Variants in BZW2 observed in about 807,000 individuals in gnomAD.
The protein encoded by BZW2 is eIF5-mimic protein 1.
A neutral mutation model predicts 53.2 loss-of-function variants in BZW2; 23 were observed. The ratio of observed to expected loss-of-function variants is 0.43; its 90% CI spans 0.31 to 0.61. The LOEUF is 0.61. BZW2 is among the 20% of genes least tolerant of loss of function. The probability of loss-of-function intolerance (pLI) is 0.09; values close to 1 mark genes in which losing one functional copy is unlikely to be tolerated. For missense variants in BZW2, 409 were observed against 503.1 expected, an observed-to-expected ratio of 0.81 and a Z score of 1.79; for synonymous variants, 227 against 186.4, an observed-to-expected ratio of 1.22 and a Z score of -1.77.
intron 3 of BZW2, among the ~76,000 whole-genome samples, chr7:16,674,817 C>G (rs555944607): frequency 2.0e-5 from 3 of 152,240 alleles, no homozygotes; most frequent in South Asian, 2.1e-4. Flanking sequence ...GTTGACGTTA[C>G]AACAAAGTTG....
intron 1 of BZW2, among the ~76,000 whole-genome samples, chr7:16,661,662 CCTT>C (rs1325135302): frequency 3.9e-5 from 6 of 152,060 alleles, no homozygotes; most frequent in Non-Finnish European, 8.8e-5. Flanking sequence ...ATTCTTATCG[CCTT>C]CTTTTACCTT....
chr7:16,697,213 C>A, intron 9 of BZW2, 152 bp downstream of exon 9: 1 of 884,948 alleles, frequency 1.1e-6, no homozygotes, highest in Non-Finnish European at 1.7e-6. Flanking sequence ...CCTCAGCCTC[C>A]CAGGTAGCTA....
At chr7:16,675,579 G>T (rs73065805) in intron 3 of BZW2, among the ~76,000 whole-genome samples, 4,607 of 152,192 alleles carry the variant, frequency 0.03, 240 homozygotes, top group African/African-American at 0.1. Context: ...TTGGTACATG[G>T]CCCCATTGAC....
intron 2 of BZW2, among the ~76,000 whole-genome samples, chr7:16,671,186 TC>T (rs1358291654): frequency 3.3e-5 from 5 of 152,152 alleles, no homozygotes; most frequent in African/African-American, 1.2e-4. Context: ...ATTGCTTGCT[TC>T]CCCCCATCCC....
intron 3 of BZW2, among the ~76,000 whole-genome samples, chr7:16,678,449 G>C (rs1782836088): frequency 6.6e-6 from 1 of 152,074 alleles, no homozygotes; most frequent in Non-Finnish European, 1.5e-5. Context: ...AAAAACAGCA[G>C]TCACTCCAAA....
At chr7:16,685,799 T>C (rs1783097326) in intron 5 of BZW2, 106 bp from the exon 6 acceptor site, 5 of 1,342,686 alleles carry the variant, frequency 3.7e-6, no homozygotes, top group Non-Finnish European at 4.9e-6. Context: ...CACGTAGCCA[T>C]GGATGTTCAC....
intron 10 of BZW2, chr7:16,700,669 C>T (rs750173129): frequency 9.9e-5 from 15 of 152,116 alleles, no homozygotes; most frequent in Non-Finnish European, 1.9e-4. Flanking sequence ...AAGTGTATAG[C>T]ATTCAAGAAG....
chr7:16,691,142 T>A (rs1783289561), intron 7 of BZW2, among the ~76,000 whole-genome samples: 2 of 152,202 alleles, frequency 1.3e-5, no homozygotes, highest in African/African-American at 4.8e-5. Context: ...TAGATTATGG[T>A]AAAAAAGGTA....
At position 16,663,368 on chromosome 7, in the gene BZW2, G is replaced by A. The variant is rs184933380; in HGVS notation, c.-7-2069G>A. On this transcript the variant is annotated intron_variant, in intron 1 of 11. Transcript: ENST00000258761. The stretch of plus-strand genomic sequence containing the variant: ...CTTAATAACCTTTGTATCCCCAAGC[G>A]TGATGTATTAAGTTCATTTTACTTT... Among the ~76,000 whole-genome samples, 9 of 152,142 alleles carry A rather than the reference G, an allele frequency of 5.9e-5. No homozygotes were observed. The South Asian group carries it at 1.0e-3, about 18-fold the overall frequency.
At chr7:16,674,352 T>C in intron 2 of BZW2, 60 bp from the exon 3 acceptor site, 1 of 1,280,312 alleles carries the variant, frequency 7.8e-7, no homozygotes, top group Non-Finnish European at 1.1e-6. Context: ...AAGTTTTGAT[T>C]GTTATACTCT....
intron 10 of BZW2, among the ~76,000 whole-genome samples, chr7:16,703,816 T>C (rs551976905): frequency 6.6e-6 from 1 of 152,230 alleles, no homozygotes; most frequent in Non-Finnish European, 1.5e-5. Flanking sequence ...TTGTGGAATT[T>C]AGAGTTTTAG....
chr7:16,699,613 A>AT (rs1013647151), intron 10 of BZW2, among the ~76,000 whole-genome samples: 65 of 148,650 alleles, frequency 4.4e-4, no homozygotes, highest in African/African-American at 1.2e-3. Context: ...TTTCTCACCA[A>AT]TTTTTTTTTT....
intron 10 of BZW2, among the ~76,000 whole-genome samples, chr7:16,703,803 C>A (rs924849575): frequency 4.6e-5 from 7 of 152,150 alleles, no homozygotes; most frequent in African/African-American, 1.7e-4. Flanking sequence ...TATCAAGGCA[C>A]ATTTGTGGAA....
intron 2 of BZW2, among the ~76,000 whole-genome samples, chr7:16,670,378 C>G (rs942983834): frequency 2.6e-4 from 39 of 152,122 alleles, no homozygotes; most frequent in African/African-American, 9.2e-4. Flanking sequence ...TGGGTTTTTC[C>G]TCATTTATCC....
At chr7:16,663,604 TAA>T (rs575577752) in intron 1 of BZW2, among the ~76,000 whole-genome samples, 1 of 151,936 alleles carries the variant, frequency 6.6e-6, no homozygotes, top group South Asian at 2.1e-4. Context: ...AAGGATTTTT[TAA>T]AAAAAACTTT....
intron 9 of BZW2, 83 bp from the exon 10 acceptor site, chr7:16,697,965 C>G (rs1181313070): frequency 6.5e-7 from 1 of 1,528,126 alleles, no homozygotes; most frequent in African/African-American, 1.4e-5. Flanking sequence ...AAGCAACCCT[C>G]CAGGTTACTG....
intron 2 of BZW2, among the ~76,000 whole-genome samples, chr7:16,673,609 C>A (rs1336843853): frequency 6.6e-6 from 1 of 152,026 alleles, no homozygotes; most frequent in Non-Finnish European, 1.5e-5. Flanking sequence ...CCTCCATAAA[C>A]AAAAACTCCC....
chr7:16,681,059 G>A (rs1158521286), intron 3 of BZW2, among the ~76,000 whole-genome samples: 2 of 152,142 alleles, frequency 1.3e-5, no homozygotes, highest in African/African-American at 4.8e-5. Flanking sequence ...AGCCGAGATT[G>A]TGCCATTGCA....
chr7:16,683,502 A>G (rs1033221265), intron 5 of BZW2, among the ~76,000 whole-genome samples: 3 of 152,248 alleles, frequency 2.0e-5, no homozygotes, highest in African/African-American at 7.2e-5. Context: ...CTATGGAAGA[A>G]TGTAGCACAG....
Sources: gnomAD v4.1 joint callset for allele counts (sites outside exome capture counted in the v4.1 genomes callset) on GRCh38, gnomAD v4.1.1 for gene constraint, MANE v1.5 for transcripts, NCBI Gene and HGNC (gene_info 2026-07-23, HGNC 2026-07-21) for gene names.